Variants in USP50 observed in about 807,000 individuals in gnomAD.
The protein encoded by USP50 is ubiquitin carboxyl-terminal hydrolase 50.
USP50 carries 37 observed loss-of-function variants against 39.2 expected under a neutral mutation model. The observed-to-expected ratio is 0.94, with a 90% CI of 0.73 to 1.24. USP50 has a LOEUF of 1.24. Among genes scored for constraint, USP50 ranks in the 50% most tolerant of loss-of-function variants. USP50 has a pLI of 0.00. For missense variants in USP50, 374 were observed against 398.2 expected (o/e 0.94, Z 0.52); for synonymous variants, 139 against 144.5 (o/e 0.96, Z 0.27).
At chr15:50,502,454 T>A in intron 6 of USP50, 1 of 152,406 alleles carries the variant, frequency 6.6e-6, no homozygotes, top group Non-Finnish European at 1.5e-5. Flanking sequence ...CCACAACCTC[T>A]GCTTCCTGGG....
At chr15:50,512,969 T>G (rs530266705) in intron 6 of USP50, 22 of 152,154 alleles carry the variant, frequency 1.4e-4, no homozygotes, top group African/African-American at 5.1e-4. Context: ...ATAACAAGGA[T>G]CTAGAACATG....
downstream of USP50, chr15:50,493,756 G>T: frequency 2.3e-6 from 1 of 430,750 alleles, no homozygotes; most frequent in African/African-American, 2.0e-5. Flanking sequence ...TCAAAAAAGA[G>T]TAAAGCCTTC....
chr15:50,501,651 T>C (rs2052590640), intron 6 of USP50: 1 of 152,044 alleles, frequency 6.6e-6, no homozygotes, highest in South Asian at 2.1e-4. Context: ...CAAAAAATAA[T>C]GTATCTCATT....
At chr15:50,523,142 C>T (rs555477082) in intron 6 of USP50, among the ~76,000 whole-genome samples, 120 of 145,948 alleles carry the variant, frequency 8.2e-4, no homozygotes, top group Non-Finnish European at 1.5e-3. Flanking sequence ...CATAAAGTTG[C>T]AGGATACAAA....
At chr15:50,544,504 GGGATTCC>G in intron 2 of USP50, 76 bp downstream of exon 2, 3 of 1,318,186 alleles carry the variant, frequency 2.3e-6, no homozygotes, top group Non-Finnish European at 3.1e-6. Flanking sequence ...TCTCTTAATA[GGGATTCC>G]AGAGTTCCTT....
chr15:50,523,881 G>A (rs2052869374), intron 6 of USP50, among the ~76,000 whole-genome samples: 3 of 152,152 alleles, frequency 2.0e-5, no homozygotes, highest in Non-Finnish European at 4.4e-5. Context: ...TTCAAAATAT[G>A]TTATTACATA....
chr15:50,497,074 GT>G, downstream of USP50: 2 of 1,585,780 alleles, frequency 1.3e-6, no homozygotes, highest in East Asian at 2.3e-5. Flanking sequence ...TCTGCTACTT[GT>G]TTTTTTCTGC....
rs769907373 is a variant in USP50 at position 50,543,597 on chromosome 15, C to T, written c.444+1G>A. 1 of 1,611,634 alleles carries T rather than the reference C, an allele frequency of 6.2e-7. No homozygotes were observed. The highest frequency in any genetic ancestry group is 1.3e-5 in the African/African-American group (1 of 74,910). On this transcript the variant is annotated splice_donor_variant, in intron 3 of 6. Coordinates refer to ENST00000532404, the MANE Select transcript of USP50 (RefSeq NM_203494.5). LOFTEE classifies it high-confidence loss of function. Reference sequence around the variant, plus strand: ...ATTTCAAGGTCATTAACTCTACTTACCTTTTTTAGAGCTTCATGAAGTTCA... The same window carrying T: ...ATTTCAAGGTCATTAACTCTACTTATCTTTTTTAGAGCTTCATGAAGTTCA...
intron 6 of USP50, among the ~76,000 whole-genome samples, chr15:50,526,095 G>C (rs1320672576): frequency 1.3e-5 from 2 of 152,100 alleles, no homozygotes; most frequent in African/African-American, 2.4e-5. Context: ...GTTTCTCTCT[G>C]TTGCTTAGGC....
chr15:50,526,882 G>C (rs979823810), intron 6 of USP50, among the ~76,000 whole-genome samples: 1 of 152,170 alleles, frequency 6.6e-6, no homozygotes, highest in Non-Finnish European at 1.5e-5. Flanking sequence ...TGCCTACCTC[G>C]TAGGCTAGAA....
intron 6 of USP50, 63 bp downstream of exon 6, chr15:50,529,734 A>T: frequency 6.4e-7 from 1 of 1,555,320 alleles, no homozygotes; most frequent in Non-Finnish European, 8.7e-7. Flanking sequence ...ATAGGGATTC[A>T]AGCAGATAAT....
chr15:50,531,519 A>G (rs2052940720), intron 5 of USP50, among the ~76,000 whole-genome samples: 1 of 151,576 alleles, frequency 6.6e-6, no homozygotes, highest in South Asian at 2.1e-4. Context: ...CAGATCAACA[A>G]TTTCTATAGG....
chr15:50,540,991 G>T (rs2053023836), intron 4 of USP50, 58 bp downstream of exon 4: 2 of 1,365,850 alleles, frequency 1.5e-6, no homozygotes, highest in African/African-American at 2.9e-5. Flanking sequence ...ACAGCCCCGA[G>T]AAAATCCGGG....
intron 3 of USP50, among the ~76,000 whole-genome samples, chr15:50,542,614 G>A (rs573449165): frequency 2.7e-4 from 41 of 150,762 alleles, no homozygotes; most frequent in African/African-American, 8.5e-4. Context: ...TCAGCCACCC[G>A]AGTAGCTGGG....
rs746244769 is a variant in USP50, at chr15:50,529,780, A to C, written c.936+17T>G. ...TCTTTAAAATTGGATTACTTTTAACAGTTTGTTTTTACTCACCACCACTGC... is the reference window on the plus strand; with the variant it reads ...TCTTTAAAATTGGATTACTTTTAACCGTTTGTTTTTACTCACCACCACTGC... On this transcript the variant is annotated intron_variant, in intron 6 of 6. Transcript: ENST00000532404. 6.2e-7 allele frequency: 1 copy of C among 1,607,142 alleles called. No individual in the cohort carries two copies. The highest frequency in any genetic ancestry group is 1.3e-5 in the African/African-American group (1 of 74,462).
chr15:50,494,362 C>A, intron 1 of USP50: 1 of 1,232,548 alleles, frequency 8.1e-7, no homozygotes, highest in Non-Finnish European at 1.1e-6. Flanking sequence ...GTTTAAAATT[C>A]TAGTTGGTGA....
chr15:50,529,084 A>G (rs1225226350), intron 6 of USP50, among the ~76,000 whole-genome samples: 3 of 152,136 alleles, frequency 2.0e-5, no homozygotes, highest in East Asian at 1.9e-4. Flanking sequence ...TTTATTGATC[A>G]TAGTCGACTT....
chr15:50,494,199 C>G (rs539465242), intron 1 of USP50: 1 of 1,613,962 alleles, frequency 6.2e-7, no homozygotes, highest in South Asian at 1.1e-5. Context: ...AGATCAATGA[C>G]CAGTTTGCAG....
At chr15:50,516,442 C>A (rs1160328406) in intron 6 of USP50, among the ~76,000 whole-genome samples, 2 of 151,724 alleles carry the variant, frequency 1.3e-5, no homozygotes, top group African/African-American at 4.9e-5. Flanking sequence ...CATGGTGAAA[C>A]CCCATCTCCA....
Sources: allele counts gnomAD v4.1 joint callset (sites outside exome capture counted in the v4.1 genomes callset), GRCh38; gene constraint gnomAD v4.1.1; transcripts MANE v1.5; gene names NCBI Gene and HGNC (gene_info 2026-07-23, HGNC 2026-07-21).